The following RPH3AL variants were observed in gnomAD, a reference collection of about 807,000 sequenced individuals.
RPH3AL encodes rab effector Noc2.
Under a neutral mutation model 43.1 loss-of-function variants are expected in RPH3AL, and 38 were observed. The ratio of observed to expected loss-of-function variants is 0.88; its 90% CI spans 0.68 to 1.15. The LOEUF is 1.15. RPH3AL is among the 50% of genes most tolerant of loss of function. RPH3AL has a pLI of 0.00. For missense variants in RPH3AL, 462 were observed against 423.2 expected, an observed-to-expected ratio of 1.09 and a Z score of -0.81; for synonymous variants, 189 against 176.3, an observed-to-expected ratio of 1.07 and a Z score of -0.57.
chr17:345,703 G>T (rs1403713277), intron 1 of RPH3AL, among the ~76,000 whole-genome samples: 4 of 121,866 alleles, frequency 3.3e-5, no homozygotes, highest in African/African-American at 1.1e-4. Flanking sequence ...GGGCACGCGT[G>T]CTCCCCATCT....
At chr17:297,936 G>A (rs551228015) in intron 5 of RPH3AL, among the ~76,000 whole-genome samples, 38 of 151,762 alleles carry the variant, frequency 2.5e-4, no homozygotes, top group Non-Finnish European at 4.4e-4. Context: ...AATGACACAC[G>A]GACGAACATG....
intron 8 of RPH3AL, among the ~76,000 whole-genome samples, chr17:218,563 T>G (rs2040871724): frequency 3.4e-5 from 4 of 118,818 alleles, no homozygotes; most frequent in Admixed American, 2.6e-4. Context: ...CCCTGAAATT[T>G]CTTTCAAGGG....
At chr17:304,484 T>C (rs538948973) in intron 5 of RPH3AL, among the ~76,000 whole-genome samples, 137 of 152,292 alleles carry the variant, frequency 9.0e-4, no homozygotes, top group African/African-American at 3.2e-3. Context: ...GTCTGTAATC[T>C]GCTGAGGCTC....
chr17:281,631 CTG>C, intron 6 of RPH3AL, 135 bp downstream of exon 6: 1 of 672,174 alleles, frequency 1.5e-6, no homozygotes. Flanking sequence ...CTCCCAGTGA[CTG>C]TCCACCCATC....
At chr17:334,295 G>C (rs575271875) in intron 1 of RPH3AL, among the ~76,000 whole-genome samples, 1 of 152,222 alleles carries the variant, frequency 6.6e-6, no homozygotes, top group Non-Finnish European at 1.5e-5. Context: ...ACAGCCGCCC[G>C]CAGCTGTCTG....
intron 5 of RPH3AL, among the ~76,000 whole-genome samples, chr17:312,933 C>G (rs2043679647): frequency 1.3e-5 from 2 of 152,184 alleles, no homozygotes; most frequent in Admixed American, 6.5e-5. Context: ...CGGAGGCACT[C>G]CTGAAAGTAC....
intron 6 of RPH3AL, among the ~76,000 whole-genome samples, chr17:258,578 T>A (rs1343989392): frequency 2.6e-5 from 4 of 152,078 alleles, no homozygotes; most frequent in Admixed American, 1.3e-4. Flanking sequence ...TCCCCTGGCA[T>A]ATCCCAGCCC....
chr17:333,625 A>G lies in RPH3AL; in HGVS notation c.-37+134T>C, dbSNP rs538298191. ...CATCTTCCTGTTTGGGAGCACATGG[A>G]TTGTTTCCAATTTTGCTCGATTATA... is the stretch of plus-strand genomic sequence containing the variant. On this transcript the variant is annotated intron_variant, in intron 2 of 9. Coordinates refer to ENST00000331302, the MANE Select transcript of RPH3AL (RefSeq NM_006987.4). The surrounding 1 kb of genome is among the most constrained non-coding windows in gnomAD (Gnocchi z 4.5). The G allele has an allele frequency of 3.3e-4, 75 of 230,116 alleles. No homozygotes were observed. Among genetic ancestry groups the G allele is most frequent in the African/African-American group, 1.6e-3 (74 of 45,274 alleles). The allele number at this position is 230,116 out of a possible 1,614,324, so 14.3% of individuals were successfully genotyped here.
chr17:331,553 G>A (rs2044765523), intron 2 of RPH3AL: 1 of 1,265,252 alleles, frequency 7.9e-7, no homozygotes. Context: ...GCAACCTCGG[G>A]ACAGATGGTG....
intron 5 of RPH3AL, among the ~76,000 whole-genome samples, chr17:299,250 C>G (rs1253162215): frequency 6.6e-6 from 1 of 151,992 alleles, no homozygotes; most frequent in South Asian, 2.1e-4. Flanking sequence ...CTGCAGGGCC[C>G]GAATGCCGCT....
At chr17:348,661 T>G (rs1307843695) in intron 1 of RPH3AL, among the ~76,000 whole-genome samples, 1 of 152,126 alleles carries the variant, frequency 6.6e-6, no homozygotes, top group African/African-American at 2.4e-5. Context: ...ACGCCACTAA[T>G]ATTACATTTG....
chr17:305,865 C>CT (rs1212456032), intron 5 of RPH3AL, among the ~76,000 whole-genome samples: 11 of 133,474 alleles, frequency 8.2e-5, no homozygotes, highest in South Asian at 5.6e-4. Flanking sequence ...TCCCTCCTTT[C>CT]TTTTTTTTGA....
intron 6 of RPH3AL, 73 bp from the exon 7 acceptor site, chr17:247,358 A>G: frequency 7.0e-7 from 1 of 1,435,238 alleles, no homozygotes; most frequent in Non-Finnish European, 9.3e-7. Context: ...TGCCCAGATG[A>G]CGGGAGGCAG....
At chr17:349,256 G>A (rs11871110) in intron 1 of RPH3AL, 29,589 of 151,960 alleles carry the variant, frequency 0.19, 3,532 homozygotes, top group East Asian at 0.32. Context: ...AGGGAAACTC[G>A]CCTGGGCAGG....
At chr17:311,973 G>A (rs1421725390) in intron 5 of RPH3AL, among the ~76,000 whole-genome samples, 1 of 152,102 alleles carries the variant, frequency 6.6e-6, no homozygotes, top group Non-Finnish European at 1.5e-5. Flanking sequence ...AGGGTGCAAG[G>A]GTGAGGCCCT....
At chr17:250,233 C>A (rs567154385) in intron 6 of RPH3AL, among the ~76,000 whole-genome samples, 2 of 140,190 alleles carry the variant, frequency 1.4e-5, no homozygotes, top group East Asian at 4.3e-4. Context: ...CGCTGCGGGA[C>A]CTCTCAGAGC....
intron 1 of RPH3AL, among the ~76,000 whole-genome samples, chr17:349,962 A>G (rs973073615): frequency 6.6e-6 from 1 of 152,230 alleles, no homozygotes; most frequent in Non-Finnish European, 1.5e-5. Context: ...ACAGAGGAGC[A>G]CAGAGGCCAA....
In RPH3AL at chr17:333,005, G is replaced by GT; in HGVS notation, c.-37+753_-37+754insA. ...ATTCCTAGGGGACAGAGGCTCATCAGCCCCAGGCAACTTCCTGAGACAGAT... is the reference window on the plus strand; with the variant it reads ...ATTCCTAGGGGACAGAGGCTCATCAGTCCCCAGGCAACTTCCTGAGACAGAT... On this transcript the variant is annotated intron_variant, in intron 2 of 9. Transcript: ENST00000331302. This position sits in a 1 kb window ranked among gnomAD's most constrained non-coding sequence, Gnocchi z 4.5. 1 of 1,286,556 alleles carries GT rather than the reference G, an allele frequency of 7.8e-7. No individual in the cohort carries two copies. Among genetic ancestry groups the GT allele is most frequent in the Non-Finnish European group, 1.0e-6 (1 of 986,526 alleles). The allele number at this position is 1,286,556 out of a possible 1,614,324, so 79.7% of individuals were successfully genotyped here.
At chr17:332,644 A>T (rs1188936590) in intron 2 of RPH3AL, 3 of 225,606 alleles carry the variant, frequency 1.3e-5, no homozygotes, top group Non-Finnish European at 2.7e-5. Context: ...AGACAGCTGG[A>T]CTCTAACCAG....
Sources: gnomAD v4.1 joint callset for allele counts (sites outside exome capture counted in the v4.1 genomes callset) on GRCh38, gnomAD v4.1.1 for gene constraint, Gnocchi (gnomAD v3.1) non-coding constraint, MANE v1.5 for transcripts, NCBI Gene and HGNC (gene_info 2026-07-23, HGNC 2026-07-21) for gene names.